The following ZEB2 variants were observed in gnomAD, a reference collection of about 807,000 sequenced individuals.
ZEB2 encodes zinc finger E-box binding homeobox 2, also known as zinc finger E-box-binding homeobox 2.
ZEB2 carries 6 observed loss-of-function variants against 99.9 expected under a neutral mutation model. The observed-to-expected ratio is 0.06, with a 90% CI of 0.03 to 0.12. The LOEUF is 0.12. Ranked by LOEUF, ZEB2 falls within the 10% of genes least tolerant of loss-of-function variation. The probability of loss-of-function intolerance (pLI) is 1.00; values close to 1 mark genes in which losing one functional copy is unlikely to be tolerated. For missense variants in ZEB2, 969 were observed against 1,502.8 expected, an observed-to-expected ratio of 0.64 and a Z score of 5.87; for synonymous variants, 517 against 542.5, an observed-to-expected ratio of 0.95 and a Z score of 0.65.
At chr2:144,478,311 G>C (rs1270667748) in intron 2 of ZEB2, among the ~76,000 whole-genome samples, 2 of 152,200 alleles carry the variant, frequency 1.3e-5, no homozygotes, top group Non-Finnish European at 2.9e-5. Flanking sequence ...AATTTTTTAA[G>C]TGTTCTTTAT....
chr2:144,409,884 T>C (rs1401659187), intron 4 of ZEB2, among the ~76,000 whole-genome samples: 1 of 150,858 alleles, frequency 6.6e-6, no homozygotes, highest in African/African-American at 2.4e-5. Flanking sequence ...GTGAGACCCC[T>C]GTCTCAAAAA....
At chr2:144,510,736 T>C (rs1705022828) in intron 2 of ZEB2, among the ~76,000 whole-genome samples, 2 of 145,846 alleles carry the variant, frequency 1.4e-5, no homozygotes, top group African/African-American at 5.0e-5. Context: ...CTCTTTCTTT[T>C]CATCTTGGCT....
chr2:144,441,858 T>C (rs1703922818), intron 2 of ZEB2, among the ~76,000 whole-genome samples: 1 of 152,222 alleles, frequency 6.6e-6, no homozygotes, highest in Non-Finnish European at 1.5e-5. Context: ...AGTTATCTTA[T>C]GAAGTATTGA....
chr2:144,404,384 G>T (rs1309336453), intron 5 of ZEB2, among the ~76,000 whole-genome samples: 5 of 62,298 alleles, frequency 8.0e-5, no homozygotes, highest in African/African-American at 1.2e-4. Context: ...GGGTGGGGGG[G>T]ACTTAAACAG....
In ZEB2 at chr2:144,508,220, G is replaced by GCGTT. The variant is rs1349813934; in HGVS notation, c.73+9054_73+9057dup. ...GAGCCCACAGCCTCCTTGTATACGG[G>GCGTT]CGTTTGTTCATTGTGTCTCAGGGCA... On this transcript the variant is annotated intron_variant, in intron 2 of 9. Transcript: ENST00000627532. Among the ~76,000 whole-genome samples, 3 of 152,284 alleles carry GCGTT rather than the reference G, an allele frequency of 2.0e-5. No homozygotes were observed. The East Asian group carries it at 5.8e-4, about 29-fold the overall frequency.
Position 144,399,305 on chromosome 2 carries a change from A to G in ZEB2, c.1882T>C (p.Phe628Leu). 1 of 1,614,168 alleles carries G rather than the reference A, an allele frequency of 6.2e-7. No homozygotes were observed. The highest frequency in any genetic ancestry group is 8.5e-7 in the Non-Finnish European group (1 of 1,180,020). The change falls in exon 8 of 10, where the codon TTT becomes CTT. Residue 628 changes from phenylalanine to leucine, a missense_variant. By Grantham distance (22) the Phe-to-Leu change is conservative. Transcript: ENST00000627532. This position sits in a 1 kb window ranked among gnomAD's most constrained non-coding sequence, Gnocchi z 5.6. ...AAGAGGAGGGCTTTATTATCAACAA[A>G]AACTCCGGCTTTGTTGGGGACTATG... ...ENIVPNKAGV[F>L]VDNKALLLSS...
intron 2 of ZEB2, among the ~76,000 whole-genome samples, chr2:144,474,794 TTGAG>T (rs1248429291): frequency 6.6e-6 from 1 of 152,232 alleles, no homozygotes; most frequent in Non-Finnish European, 1.5e-5. Flanking sequence ...AGATTTCTTT[TTGAG>T]TATTTCGGTT....
At chr2:144,487,772 T>C (rs1278462526) in intron 2 of ZEB2, among the ~76,000 whole-genome samples, 1 of 152,190 alleles carries the variant, frequency 6.6e-6, no homozygotes, top group Non-Finnish European at 1.5e-5. Flanking sequence ...AGCTACCAAA[T>C]GATTAAAATT....
intron 2 of ZEB2, among the ~76,000 whole-genome samples, chr2:144,467,225 G>C (rs1704284477): frequency 6.6e-6 from 1 of 151,530 alleles, no homozygotes; most frequent in African/African-American, 2.4e-5. Context: ...AATGTGAATT[G>C]TATAACCTGG....
chr2:144,415,536 G>C (rs1187466352), intron 4 of ZEB2, among the ~76,000 whole-genome samples: 1 of 152,100 alleles, frequency 6.6e-6, no homozygotes, highest in Non-Finnish European at 1.5e-5. Flanking sequence ...GTCATCCCCT[G>C]ATAATAACCC....
intron 2 of ZEB2, chr2:144,512,671 C>T (rs1315561738): frequency 7.8e-7 from 1 of 1,287,070 alleles, no homozygotes; most frequent in African/African-American, 1.5e-5. Flanking sequence ...GACTGTCACT[C>T]TATGGACACC....
At chr2:144,513,382 A>T (rs2149932053) in intron 2 of ZEB2, 1 of 1,345,358 alleles carries the variant, frequency 7.4e-7, no homozygotes, top group East Asian at 4.3e-5. Flanking sequence ...ATTTGTAAAA[A>T]GCTCCCCTTC....
Position 144,464,625 on chromosome 2 carries a change from TG to T in ZEB2, c.74-34600del, listed in dbSNP as rs926146500. ...ATCAATGTACATTAATAAGCATAAT[TG>T]TTTTTTTGGCATCTGTCCATTCATT... On this transcript the variant is annotated intron_variant, in intron 2 of 9. Transcript: ENST00000627532. Among the ~76,000 whole-genome samples the T allele has an allele frequency of 1.4e-4, 21 of 152,314 alleles. No individual in the cohort carries two copies. The South Asian group carries it at 2.7e-3, about 20-fold the overall frequency.
Position 144,474,839 on chromosome 2 carries a change from T to G in ZEB2, c.73+42439A>C, listed in dbSNP as rs112163794. Among the ~76,000 whole-genome samples, 405 of 152,328 alleles carry G rather than the reference T, an allele frequency of 2.7e-3. 3 individuals are homozygous for G. The highest frequency in any genetic ancestry group is 9.4e-3 in the African/African-American group (391 of 41,574). On this transcript the variant is annotated intron_variant, in intron 2 of 9. Transcript: ENST00000627532. ...TTCAATACATTAGTAAATTTTGACT[T>G]TATAAACTAAGGTAAGGGTTTATTA...
At chr2:144,515,499 GA>G (rs967302747) in intron 2 of ZEB2, among the ~76,000 whole-genome samples, 7 of 149,544 alleles carry the variant, frequency 4.7e-5, no homozygotes, top group Non-Finnish European at 7.4e-5. Context: ...ACACCAGAGT[GA>G]AAAAAAAATT....
chr2:144,510,532 C>A (rs972736008), intron 2 of ZEB2, among the ~76,000 whole-genome samples: 7 of 152,128 alleles, frequency 4.6e-5, no homozygotes, highest in Admixed American at 3.9e-4. Flanking sequence ...GAGCGGGTGG[C>A]CATGAATAGT....
intron 4 of ZEB2, among the ~76,000 whole-genome samples, chr2:144,418,879 C>T (rs1410524209): frequency 6.6e-6 from 1 of 151,980 alleles, no homozygotes; most frequent in Non-Finnish European, 1.5e-5. Context: ...GTGTACACTG[C>T]TTGGGTGATG....
intron 4 of ZEB2, among the ~76,000 whole-genome samples, chr2:144,414,002 AAG>A (rs1703500730): frequency 6.6e-6 from 1 of 152,168 alleles, no homozygotes; most frequent in Non-Finnish European, 1.5e-5. Flanking sequence ...TTGATGGTTA[AAG>A]AGACTTAATT....
At chr2:144,512,653 T>G in intron 2 of ZEB2, 1 of 1,287,194 alleles carries the variant, frequency 7.8e-7, no homozygotes, top group South Asian at 1.2e-5. Context: ...CCACCCTTAG[T>G]CCTGGTGGAC....
Sources: allele counts gnomAD v4.1 joint callset (sites outside exome capture counted in the v4.1 genomes callset), GRCh38; gene constraint gnomAD v4.1.1; non-coding constraint Gnocchi (gnomAD v3.1); transcripts MANE v1.5; gene names NCBI Gene and HGNC (gene_info 2026-07-23, HGNC 2026-07-21).